Variants in PCDH15 observed in about 807,000 individuals in gnomAD.
The protein encoded by PCDH15 is protocadherin related 15, also known as protocadherin-15.
Under a neutral mutation model 178.5 loss-of-function variants are expected in PCDH15, and 129 were observed. The observed-to-expected ratio is 0.72, with a 90% CI of 0.63 to 0.84. The LOEUF (loss-of-function observed/expected upper bound fraction) is 0.84. Ranked by LOEUF, PCDH15 falls within the 40% of genes least tolerant of loss-of-function variation. PCDH15 has a pLI of 0.00. For synonymous variants in PCDH15, 800 were observed against 732.0 expected (o/e 1.09, Z -1.50); for missense variants, 2,230 against 2,099.9 (o/e 1.06, Z -1.21).
intron 2 of PCDH15, among the ~76,000 whole-genome samples, chr10:55,384,568 A>G (rs1334223051): frequency 6.6e-6 from 1 of 152,230 alleles, no homozygotes; most frequent in Non-Finnish European, 1.5e-5. Flanking sequence ...GAAGAAAAGA[A>G]AAGACTCTTA....
chr10:54,411,059 G>A (rs1458192092), intron 3 of PCDH15, among the ~76,000 whole-genome samples: 2 of 152,134 alleles, frequency 1.3e-5, no homozygotes, highest in Admixed American at 1.3e-4. Context: ...GTGTGCATGT[G>A]CAGCACACAG....
chr10:55,440,425 T>TAGTTTAG (rs1839153152), intron 2 of PCDH15, among the ~76,000 whole-genome samples: 1 of 152,182 alleles, frequency 6.6e-6, no homozygotes, highest in East Asian at 1.9e-4. Context: ...ATTGTGGATT[T>TAGTTTAG]TTAGTGGATA....
chr10:55,150,822 T>C (rs183472739), intron 2 of PCDH15, among the ~76,000 whole-genome samples: 1 of 152,276 alleles, frequency 6.6e-6, no homozygotes, highest in African/African-American at 2.4e-5. Context: ...GTAATATTGT[T>C]AATGCTTTAC....
chr10:55,022,705 CT>C (rs1411785503), intron 2 of PCDH15, among the ~76,000 whole-genome samples: 1 of 134,392 alleles, frequency 7.4e-6, no homozygotes, highest in Non-Finnish European at 1.6e-5. Context: ...TATGAATTTT[CT>C]TTTTCTTTTT....
chr10:54,399,350 G>C lies in PCDH15; in HGVS notation c.158-20408C>G, dbSNP rs1951648474. ...AGGCTCAGGTAGCTTGGACACTGAG[G>C]ATTTGGGAGGAAAGCAATATTACAG... is the stretch of plus-strand genomic sequence containing the variant. On this transcript the variant is annotated intron_variant, in intron 3 of 37. Coordinates refer to ENST00000644397, the MANE Select transcript of PCDH15 (RefSeq NM_001384140.1). Among the ~76,000 whole-genome samples the C allele has an allele frequency of 2.0e-5, 3 of 151,872 alleles. No individual in the cohort carries two copies. The South Asian group carries it at 6.2e-4, about 32-fold the overall frequency.
intron 1 of PCDH15, among the ~76,000 whole-genome samples, chr10:54,752,198 C>T (rs991604794): frequency 5.9e-5 from 9 of 151,980 alleles, no homozygotes; most frequent in African/African-American, 1.9e-4. Context: ...TAAAACAGGC[C>T]GGGCGCGGTG....
intron 2 of PCDH15, among the ~76,000 whole-genome samples, chr10:55,157,512 T>C (rs1838922371): frequency 6.7e-6 from 1 of 148,884 alleles, no homozygotes; most frequent in East Asian, 2.0e-4. Flanking sequence ...ACACGTATGT[T>C]TATTGCGGCA....
intron 3 of PCDH15, among the ~76,000 whole-genome samples, chr10:54,471,922 G>T (rs2077945947): frequency 2.0e-5 from 3 of 151,778 alleles, no homozygotes; most frequent in African/African-American, 7.3e-5. Flanking sequence ...TTTGAGTAAT[G>T]CTCAGTCATA....
chr10:54,209,591 G>A (rs1352041947), intron 10 of PCDH15, among the ~76,000 whole-genome samples: 3 of 152,012 alleles, frequency 2.0e-5, no homozygotes, highest in Non-Finnish European at 2.9e-5. Context: ...AATTTTTAAA[G>A]GATGTATATA....
intron 2 of PCDH15, among the ~76,000 whole-genome samples, chr10:55,430,573 A>G (rs1163065301): frequency 6.6e-6 from 1 of 152,170 alleles, no homozygotes; most frequent in Non-Finnish European, 1.5e-5. Context: ...GGCCCAGAGA[A>G]GAAGTGATTT....
At chr10:54,426,241 C>T (rs1199262694) in intron 3 of PCDH15, among the ~76,000 whole-genome samples, 5 of 152,074 alleles carry the variant, frequency 3.3e-5, no homozygotes, top group African/African-American at 1.2e-4. Flanking sequence ...ACCAGTGGTC[C>T]CCAACCTCTT....
intron 1 of PCDH15, among the ~76,000 whole-genome samples, chr10:55,210,959 G>A (rs904525492): frequency 2.6e-5 from 4 of 151,844 alleles, no homozygotes; most frequent in Non-Finnish European, 5.9e-5. Context: ...TGTAAATATA[G>A]AGTCCCTCTC....
At chr10:55,065,849 G>A (rs568823923) in intron 2 of PCDH15, among the ~76,000 whole-genome samples, 1 of 152,030 alleles carries the variant, frequency 6.6e-6, no homozygotes, top group African/African-American at 2.4e-5. Context: ...ACAATGCTCA[G>A]ATACGTGCTA....
At chr10:54,298,390 G>A (rs566521133) in intron 8 of PCDH15, among the ~76,000 whole-genome samples, 29 of 152,298 alleles carry the variant, frequency 1.9e-4, no homozygotes, top group African/African-American at 5.3e-4. Flanking sequence ...AAGGAAAAGC[G>A]AGATCAGAGA....
chr10:55,053,455 A>G (rs886472047), intron 2 of PCDH15, among the ~76,000 whole-genome samples: 3 of 152,208 alleles, frequency 2.0e-5, no homozygotes, highest in African/African-American at 4.8e-5. Flanking sequence ...TGTGGAAAAT[A>G]TTTGACTTCA....
At chr10:54,804,938 T>TATATATATATATAC (rs1328208893), upstream of PCDH15, among the ~76,000 whole-genome samples, 2,839 of 126,404 alleles carry the variant, frequency 0.022, 429 homozygotes, top group Non-Finnish European at 0.035. Context: ...TATATATATA[T>TATATATATATATAC]ATATATATAT....
chr10:55,105,507 G>A (rs1037277668), intron 2 of PCDH15, among the ~76,000 whole-genome samples: 2 of 152,048 alleles, frequency 1.3e-5, no homozygotes, highest in Admixed American at 1.3e-4. Flanking sequence ...GCCCACATTT[G>A]CTTTTGTCAC....
rs377503638 is a variant in PCDH15 at position 53,930,922 on chromosome 10, T to C, written c.3373+7893A>G. 3.9e-5 allele frequency among the ~76,000 whole-genome samples: 6 copies of C among 152,218 alleles called. No homozygotes were observed. The South Asian group carries it at 1.0e-3, about 26-fold the overall frequency. On this transcript the variant is annotated intron_variant, in intron 25 of 37. Coordinates refer to ENST00000644397, the MANE Select transcript of PCDH15 (RefSeq NM_001384140.1). ...AGCAGCAGGACCTAGACCAAACTCC[T>C]GGTGTTTCATTAACACTTTGTAAAA... is the stretch of plus-strand genomic sequence containing the variant.
At chr10:55,442,299 C>T (rs980581844) in intron 2 of PCDH15, among the ~76,000 whole-genome samples, 1 of 149,444 alleles carries the variant, frequency 6.7e-6, no homozygotes, top group Non-Finnish European at 1.5e-5. Context: ...GCATGCAAAC[C>T]TCAATATTAG....
Sources: gnomAD v4.1 joint callset for allele counts (sites outside exome capture counted in the v4.1 genomes callset) on GRCh38, gnomAD v4.1.1 for gene constraint, MANE v1.5 for transcripts, NCBI Gene and HGNC (gene_info 2026-07-23, HGNC 2026-07-21) for gene names.